Variants in SLC47A2 observed in about 807,000 individuals in gnomAD.
SLC47A2 encodes the protein solute carrier family 47 member 2.
SLC47A2 carries 52 observed loss-of-function variants against 67.7 expected under a neutral mutation model. That is an observed-to-expected ratio of 0.77 (90% CI 0.61 to 0.97). The LOEUF (loss-of-function observed/expected upper bound fraction) is 0.97. Ranked by LOEUF, SLC47A2 falls within the 50% of genes least tolerant of loss-of-function variation. SLC47A2 has a pLI of 0.00. For missense variants in SLC47A2, 676 were observed against 712.3 expected, an observed-to-expected ratio of 0.95 and a Z score of 0.58; for synonymous variants, 278 against 292.9, an observed-to-expected ratio of 0.95 and a Z score of 0.52.
In SLC47A2 at chr17:19,707,804, C is replaced by T; in HGVS notation, c.669G>A (p.Gln223=). ...AYANIISQFA[Q]TVFLLLYIVL... ...CAATGTAGAGAAGGAGGAAGACGGT[C>T]TGTGCAAACTGGGAGATGATGTTGG... is the stretch of plus-strand genomic sequence containing the variant. The change falls in exon 8 of 17, where the codon CAG becomes CAA. Residue 223 remains glutamine, a synonymous_variant. Coordinates refer to ENST00000433844, the MANE Select transcript of SLC47A2 (RefSeq NM_001099646.3). The T allele has an allele frequency of 3.1e-6, 5 of 1,604,952 alleles. No individual in the cohort carries two copies. Among genetic ancestry groups the T allele is most frequent in the Non-Finnish European group, 4.3e-6 (5 of 1,175,770 alleles).
intron 13 of SLC47A2, among the ~76,000 whole-genome samples, chr17:19,692,895 G>A (rs1467079669): frequency 2.0e-5 from 3 of 152,186 alleles, no homozygotes; most frequent in Non-Finnish European, 4.4e-5. Context: ...CACTTTGGGA[G>A]GCCGAGGCAG....
At chr17:19,688,952 AC>A (rs2085484187) in intron 13 of SLC47A2, among the ~76,000 whole-genome samples, 1 of 150,874 alleles carries the variant, frequency 6.6e-6, no homozygotes, top group Non-Finnish European at 1.5e-5. Context: ...TGCAGCCTTG[AC>A]CTCTTGAGCT....
chr17:19,697,074 G>A (rs941421349), intron 13 of SLC47A2, among the ~76,000 whole-genome samples: 1 of 152,106 alleles, frequency 6.6e-6, no homozygotes, highest in Non-Finnish European at 1.5e-5. Context: ...GGCGGATGAC[G>A]AGGTCAGGAG....
chr17:19,694,907 C>T (rs1372998313), intron 13 of SLC47A2, among the ~76,000 whole-genome samples: 2 of 121,714 alleles, frequency 1.6e-5, no homozygotes, highest in African/African-American at 6.1e-5. Flanking sequence ...AAGAGCAAGA[C>T]TCCATCTCAA....
intron 13 of SLC47A2, among the ~76,000 whole-genome samples, chr17:19,694,166 GC>G (rs1409484996): frequency 1.3e-5 from 2 of 152,082 alleles, no homozygotes; most frequent in Non-Finnish European, 2.9e-5. Context: ...TGGATTGGAG[GC>G]CTCAATATTG....
At position 19,678,588 on chromosome 17, in the gene SLC47A2, C is replaced by G; in HGVS notation, c.*98G>C. 1 of 1,285,802 alleles carries G rather than the reference C, an allele frequency of 7.8e-7. No homozygotes were observed. The highest frequency in any genetic ancestry group is 1.3e-5 in the South Asian group (1 of 78,478). The allele number at this position is 1,285,802 out of a possible 1,614,324, so 79.6% of individuals were successfully genotyped here. A position where few individuals can be genotyped will look rare whatever the true frequency, so the allele number is the denominator to read the frequency against. On this transcript the variant is annotated 3_prime_UTR_variant, in exon 17 of 17. Transcript: ENST00000433844. The stretch of plus-strand genomic sequence containing the variant: ...TTTGAGGAGTGGTTCAAAGTGTCCA[C>G]CTGCACTAGACCCCATTGGTGTTTT...
intron 5 of SLC47A2, among the ~76,000 whole-genome samples, chr17:19,711,484 C>T (rs994891307): frequency 2.2e-4 from 31 of 141,612 alleles, no homozygotes; most frequent in African/African-American, 6.2e-4. Context: ...CCCAGCTACT[C>T]GGGAGGCTGA....
intron 13 of SLC47A2, among the ~76,000 whole-genome samples, chr17:19,688,729 A>AT (rs917956821): frequency 4.9e-4 from 74 of 151,592 alleles, no homozygotes; most frequent in African/African-American, 1.5e-3. Context: ...TAATTTTTGT[A>AT]TTTTTTTTAG....
At chr17:19,682,408 A>T (rs770777020) in intron 13 of SLC47A2, among the ~76,000 whole-genome samples, 1 of 151,848 alleles carries the variant, frequency 6.6e-6, no homozygotes, top group Non-Finnish European at 1.5e-5. Context: ...TAGAAGTTTG[A>T]ATTGGGTCTC....
intron 7 of SLC47A2, 148 bp downstream of exon 7, chr17:19,708,154 G>A: frequency 2.3e-6 from 2 of 868,654 alleles, no homozygotes; most frequent in African/African-American, 1.7e-5. Context: ...GGTCCCCAAG[G>A]GACCATCAGG....
Position 19,713,923 on chromosome 17 carries a change from GC to G in SLC47A2, c.344del (p.Gly115AlafsTer35), listed in dbSNP as rs1225409636. 1.3e-5 allele frequency: 21 copies of G among 1,613,394 alleles called. No individual in the cohort carries two copies. The highest frequency in any genetic ancestry group is 1.7e-5 in the Non-Finnish European group (20 of 1,179,758). ...GGCAGCAGAGGAGCAGGACCAGCGC[GC>G]CCCGCTGCAGGATCACGCCCACGTG... Reference protein sequence around the residue: ...KKHVGVILQRGALVLLLCCLP... With the variant: ...KKHVGVILQRXALVLLLCCLP... On this transcript the variant is annotated frameshift_variant, in exon 4 of 17. Coordinates refer to ENST00000433844, the MANE Select transcript of SLC47A2 (RefSeq NM_001099646.3). LOFTEE classifies it high-confidence loss of function.
chr17:19,709,260 G>A (rs1167598887), intron 5 of SLC47A2, among the ~76,000 whole-genome samples: 1 of 152,238 alleles, frequency 6.6e-6, no homozygotes, highest in African/African-American at 2.4e-5. Context: ...GACCCTACGG[G>A]GGTGGCGGGC....
At chr17:19,714,932 T>C in intron 2 of SLC47A2, 143 bp from the exon 3 acceptor site, 2 of 1,329,310 alleles carry the variant, frequency 1.5e-6, no homozygotes, top group South Asian at 1.2e-5. Context: ...TCATGTGCTG[T>C]GTGCCCCAGG....
chr17:19,706,955 G>A (rs1020345558), intron 8 of SLC47A2, among the ~76,000 whole-genome samples, 194 bp from the exon 9 acceptor site: 1 of 152,170 alleles, frequency 6.6e-6, no homozygotes, highest in African/African-American at 2.4e-5. Context: ...GGAGGAGGAT[G>A]CAGGAACAGG....
chr17:19,699,105 G>A (rs1051316006), intron 13 of SLC47A2, among the ~76,000 whole-genome samples: 1 of 152,128 alleles, frequency 6.6e-6, no homozygotes, highest in Non-Finnish European at 1.5e-5. Flanking sequence ...AAGATCACTG[G>A]AATGGAAGAG....
At chr17:19,711,601 AAAAAAAAAAAAAAAAG>A (rs1218109851) in intron 5 of SLC47A2, among the ~76,000 whole-genome samples, 2 of 145,638 alleles carry the variant, frequency 1.4e-5, no homozygotes, top group Non-Finnish European at 1.5e-5. Context: ...AAAAAAAAAA[AAAAAAAAAAAAAAAAG>A]AAAAGAAAAA....
intron 9 of SLC47A2, among the ~76,000 whole-genome samples, chr17:19,705,881 G>A (rs112079196): frequency 0.02 from 2,982 of 152,322 alleles, 87 homozygotes; most frequent in African/African-American, 0.068. Context: ...TTACAGGCAT[G>A]AGCCACTGAG....
chr17:19,707,709 G>T (rs1182831683), intron 8 of SLC47A2, 37 bp downstream of exon 8: 1 of 1,542,690 alleles, frequency 6.5e-7, no homozygotes, highest in East Asian at 2.4e-5. Context: ...ACCACCGCTG[G>T]CCTGCTCAGC....
At chr17:19,679,258 C>G (rs902747243) in intron 16 of SLC47A2, among the ~76,000 whole-genome samples, 1 of 152,178 alleles carries the variant, frequency 6.6e-6, no homozygotes, top group African/African-American at 2.4e-5. Flanking sequence ...TGACAACTTA[C>G]GCTCCCAGAG....
Sources: gnomAD v4.1 joint callset for allele counts (sites outside exome capture counted in the v4.1 genomes callset) on GRCh38, gnomAD v4.1.1 for gene constraint, MANE v1.5 for transcripts, NCBI Gene and HGNC (gene_info 2026-07-23, HGNC 2026-07-21) for gene names.